Variants in GRIN2B observed in about 807,000 individuals in gnomAD.
GRIN2B encodes glutamate ionotropic receptor NMDA type subunit 2B.
In GRIN2B, 5 loss-of-function variants were observed where a neutral mutation model predicts 114.5. The ratio of observed to expected loss-of-function variants is 0.04; its 90% CI spans 0.02 to 0.09. The LOEUF (loss-of-function observed/expected upper bound fraction) is 0.09. GRIN2B is among the 10% of genes least tolerant of loss of function. The probability of loss-of-function intolerance (pLI) is 1.00; values close to 1 mark genes in which losing one functional copy is unlikely to be tolerated. For synonymous variants in GRIN2B, 787 were observed against 745.1 expected (o/e 1.06, Z -0.92); for missense variants, 1,108 against 1,943.5 (o/e 0.57, Z 8.08).
chr12:13,664,420 A>G (rs1020017845), intron 5 of GRIN2B, among the ~76,000 whole-genome samples: 3 of 152,216 alleles, frequency 2.0e-5, no homozygotes, highest in African/African-American at 7.2e-5. Flanking sequence ...CACCTATACT[A>G]ATTTTTGAAA....
Position 13,716,493 on chromosome 12 carries a change from G to A in GRIN2B, c.1010+36824C>T, listed in dbSNP as rs187482113. ...TATTTCTGACTTTGAATATCTTACC[G>A]TTGAGAAGAACCCTACCTAAATGGG... On this transcript the variant is annotated intron_variant, in intron 4 of 13. Coordinates refer to ENST00000609686, the MANE Select transcript of GRIN2B (RefSeq NM_000834.5). 8.6e-5 allele frequency among the ~76,000 whole-genome samples: 13 copies of A among 151,858 alleles called. No individual in the cohort carries two copies. In the South Asian group the frequency reaches 1.0e-3, roughly 12 times the overall value.
In GRIN2B at chr12:13,564,159, G is replaced by A; in HGVS notation, c.3079C>T (p.Leu1027Phe). Reference sequence around the variant, plus strand: ...AGCTGGCTGTGCTTGGAGGAGGGGAGGCCGATGTCCAGGGGCTTCTTGCTG... The same window carrying A: ...AGCTGGCTGTGCTTGGAGGAGGGGAAGCCGATGTCCAGGGGCTTCTTGCTG... ...SISKKPLDIG[L>F]PSSKHSQLSD... The change falls in exon 14 of 14, where the codon CTC becomes TTC. Residue 1027 changes from leucine (L) to phenylalanine (F), a missense_variant. Transcript: ENST00000609686. The surrounding 1 kb of genome is among the most constrained non-coding windows in gnomAD (Gnocchi z 4.8). 3 of 1,614,164 alleles carry A rather than the reference G, an allele frequency of 1.9e-6. No homozygotes were observed. The highest frequency in any genetic ancestry group is 2.5e-6 in the Non-Finnish European group (3 of 1,180,024).
intron 11 of GRIN2B, among the ~76,000 whole-genome samples, chr12:13,570,888 C>T (rs1391947375): frequency 6.6e-6 from 1 of 152,056 alleles, no homozygotes; most frequent in African/African-American, 2.4e-5. Context: ...TGTTAGGTAC[C>T]CGATAGAAAG....
rs932688024 is a variant in GRIN2B, at chr12:13,554,835, C to T, written c.*7948G>A. ...GAAGAAAATGGAGGAGGCAAAAGTG[C>T]CTGAAAAGCTTGAGTTCGGTGACGG... On this transcript the variant is annotated 3_prime_UTR_variant, in exon 14 of 14. Transcript: ENST00000609686. The T allele has an allele frequency of 6.6e-6, 1 of 151,984 alleles. No individual in the cohort carries two copies. Among genetic ancestry groups the T allele is most frequent in the Non-Finnish European group, 1.5e-5 (1 of 68,002 alleles). 9.4% of individuals were successfully genotyped at this position (151,984 alleles called of 1,614,324 possible). A position where few individuals can be genotyped will look rare whatever the true frequency, so the allele number is the denominator to read the frequency against.
intron 3 of GRIN2B, among the ~76,000 whole-genome samples, chr12:13,811,392 T>C (rs1162539880): frequency 6.6e-6 from 1 of 152,022 alleles, no homozygotes; most frequent in Non-Finnish European, 1.5e-5. Context: ...AAGACCAGCA[T>C]GTGCAACATA....
intron 3 of GRIN2B, among the ~76,000 whole-genome samples, chr12:13,825,470 A>G (rs956997464): frequency 7.0e-6 from 1 of 142,166 alleles, no homozygotes; most frequent in African/African-American, 2.6e-5. Flanking sequence ...TATATATAAT[A>G]TATATATAAT....
At chr12:13,760,897 A>AT (rs1337106443) in intron 3 of GRIN2B, among the ~76,000 whole-genome samples, 1 of 152,114 alleles carries the variant, frequency 6.6e-6, no homozygotes, top group Non-Finnish European at 1.5e-5. Context: ...CCACACCATC[A>AT]TTTTTTTCTG....
chr12:13,802,996 T>G (rs1401132207), intron 3 of GRIN2B, among the ~76,000 whole-genome samples: 2 of 152,046 alleles, frequency 1.3e-5, no homozygotes, highest in South Asian at 2.1e-4. Context: ...CCTCTTCTCT[T>G]CCTCCTCCTC....
intron 4 of GRIN2B, among the ~76,000 whole-genome samples, chr12:13,749,829 C>G (rs2136625130): frequency 6.6e-6 from 1 of 152,284 alleles, no homozygotes; most frequent in Admixed American, 6.5e-5. Flanking sequence ...CCAATCCTTT[C>G]TGGATCCTGA....
chr12:13,906,819 A>T (rs1866543620), intron 2 of GRIN2B, among the ~76,000 whole-genome samples: 1 of 152,162 alleles, frequency 6.6e-6, no homozygotes. Flanking sequence ...TTAATTTGAA[A>T]TTTTAGTATT....
At position 13,902,155 on chromosome 12, in the gene GRIN2B, T is replaced by C. The variant is rs375300352; in HGVS notation, c.-18-35929A>G. On this transcript the variant is annotated intron_variant, in intron 2 of 13. Coordinates refer to ENST00000609686, the MANE Select transcript of GRIN2B (RefSeq NM_000834.5). ...TGGAGCAATTTTAGTTAATGTAATG[T>C]AAAATAAATCTTGATATCTGGTAAA... Among the ~76,000 whole-genome samples, 157 of 152,284 alleles carry C rather than the reference T, an allele frequency of 1.0e-3. 3 individuals are homozygous for C. The South Asian group carries it at 0.026, about 26-fold the overall frequency.
At position 13,562,971 on chromosome 12, in the gene GRIN2B, C is replaced by T; in HGVS notation, c.4267G>A (p.Ala1423Thr). 1 of 1,613,986 alleles carries T rather than the reference C, an allele frequency of 6.2e-7. No homozygotes were observed. Among genetic ancestry groups the T allele is most frequent in the Non-Finnish European group, 8.5e-7 (1 of 1,179,864 alleles). The change falls in exon 14 of 14, where the codon GCC (alanine) becomes ACC (threonine). Residue 1423 changes from alanine (A) to threonine (T), a missense_variant. Ala to Thr is a moderately conservative substitution (Grantham distance 58). This residue lies in a region of GRIN2B where 478 missense variants were observed against 506.0 expected (regional missense o/e 0.94). Transcript: ENST00000609686. ...GASKARPDFR[A>T]LVTNKPVVSA... is the part of the protein sequence containing the mutation. The stretch of plus-strand genomic sequence containing the variant: ...ACCACCGGCTTGTTGGTGACAAGGG[C>T]CCGGAAGTCCGGCCTGGCTTTCGAC...
chr12:13,867,881 C>G (rs1865851416), intron 2 of GRIN2B, among the ~76,000 whole-genome samples: 1 of 146,592 alleles, frequency 6.8e-6, no homozygotes, highest in Non-Finnish European at 1.5e-5. Context: ...TGCTTCAGAT[C>G]TCCTGCTTGT....
At chr12:13,639,720 CA>C (rs1007264801) in intron 5 of GRIN2B, among the ~76,000 whole-genome samples, 2 of 152,068 alleles carry the variant, frequency 1.3e-5, no homozygotes, top group African/African-American at 4.8e-5. Context: ...TGGGGTTCCA[CA>C]CTTCTTTTCT....
rs1189077250 is a variant in GRIN2B, at chr12:13,562,720, T to TGCGCATCAC, written c.*54_*62dup. ...TTCACCCCCGTCACCCTCCGTGACA[T>TGCGCATCAC]GCGCATCACGCGACCCACAGCCTTA... On this transcript the variant is annotated 3_prime_UTR_variant, in exon 14 of 14. Coordinates refer to ENST00000609686, the MANE Select transcript of GRIN2B (RefSeq NM_000834.5). 3.1e-6 allele frequency: 4 copies of TGCGCATCAC among 1,311,232 alleles called. No individual in the cohort carries two copies. The highest frequency in any genetic ancestry group is 4.4e-6 in the Non-Finnish European group (4 of 904,096). The allele number at this position is 1,311,232 out of a possible 1,614,324, so 81.2% of individuals were successfully genotyped here. A position where few individuals can be genotyped will look rare whatever the true frequency, so the allele number is the denominator to read the frequency against.
intron 2 of GRIN2B, among the ~76,000 whole-genome samples, chr12:13,877,566 C>T (rs1866008984): frequency 6.6e-6 from 1 of 152,192 alleles, no homozygotes; most frequent in African/African-American, 2.4e-5. Flanking sequence ...CCTCTCTCTC[C>T]TTTCTCCCAA....
At chr12:13,839,873 G>A (rs1057259092) in intron 3 of GRIN2B, among the ~76,000 whole-genome samples, 1 of 151,988 alleles carries the variant, frequency 6.6e-6, no homozygotes, top group African/African-American at 2.4e-5. Context: ...TTTATTGAAC[G>A]GTCCAGTAAG....
At chr12:13,658,238 A>G (rs187469315) in intron 5 of GRIN2B, among the ~76,000 whole-genome samples, 1 of 152,018 alleles carries the variant, frequency 6.6e-6, no homozygotes, top group East Asian at 1.9e-4. Flanking sequence ...GCCAACCCAC[A>G]CATTTATAAT....
At chr12:13,701,070 A>T (rs1950308134) in intron 4 of GRIN2B, among the ~76,000 whole-genome samples, 1 of 152,178 alleles carries the variant, frequency 6.6e-6, no homozygotes, top group Non-Finnish European at 1.5e-5. Context: ...ACAAGGCAGC[A>T]GGAAGAAGAA....
Sources: allele counts gnomAD v4.1 joint callset (sites outside exome capture counted in the v4.1 genomes callset), GRCh38; gene constraint gnomAD v4.1.1; regional missense constraint gnomAD v4.1.1; non-coding constraint Gnocchi (gnomAD v3.1); transcripts MANE v1.5; gene names NCBI Gene and HGNC (gene_info 2026-07-23, HGNC 2026-07-21).